Variants in CNTNAP2 observed in about 807,000 individuals in gnomAD.
The protein encoded by CNTNAP2 is contactin-associated protein-like 2.
A neutral mutation model predicts 155.2 loss-of-function variants in CNTNAP2; 98 were observed. The ratio of observed to expected loss-of-function variants is 0.63; its 90% CI spans 0.54 to 0.75. CNTNAP2 has a LOEUF of 0.75. CNTNAP2 is among the 30% of genes least tolerant of loss of function. The pLI is 0.00. For missense variants in CNTNAP2, 1,727 were observed against 1,688.1 expected, an observed-to-expected ratio of 1.02 and a Z score of -0.40; for synonymous variants, 651 against 631.2, an observed-to-expected ratio of 1.03 and a Z score of -0.47.
At chr7:146,392,823 G>C (rs1340191261) in intron 1 of CNTNAP2, among the ~76,000 whole-genome samples, 1 of 127,346 alleles carries the variant, frequency 7.9e-6, no homozygotes, top group Non-Finnish European at 1.6e-5. Flanking sequence ...TTCATATAAA[G>C]ACTCTTAGAA....
In CNTNAP2 at chr7:146,317,373, A is replaced by G. The variant is rs143562742; in HGVS notation, c.97+200400A>G. 6.6e-3 allele frequency among the ~76,000 whole-genome samples: 1,000 copies of G among 152,324 alleles called. 9 individuals are homozygous for G. The highest frequency in any genetic ancestry group is 0.012 in the South Asian group (58 of 4,832). The stretch of plus-strand genomic sequence containing the variant: ...CTGAGAATCTTTGTATAATTTGACA[A>G]TAATGTCAAGTGGAAAGAGAAATAA... On this transcript the variant is annotated intron_variant, in intron 1 of 23. Coordinates refer to ENST00000361727, the MANE Select transcript of CNTNAP2 (RefSeq NM_014141.6).
At chr7:146,807,864 A>T (rs1220715315) in intron 2 of CNTNAP2, among the ~76,000 whole-genome samples, 1 of 151,950 alleles carries the variant, frequency 6.6e-6, no homozygotes, top group Non-Finnish European at 1.5e-5. Flanking sequence ...CTGTCTGCCC[A>T]CTCCTTCCTT....
At chr7:146,308,642 T>A (rs937973654) in intron 1 of CNTNAP2, among the ~76,000 whole-genome samples, 15 of 152,154 alleles carry the variant, frequency 9.9e-5, no homozygotes, top group South Asian at 8.3e-4. Context: ...GGAATACTAT[T>A]CAGCTGTAAA....
chr7:146,423,181 T>C (rs1261293461), intron 1 of CNTNAP2, among the ~76,000 whole-genome samples: 1 of 152,156 alleles, frequency 6.6e-6, no homozygotes, highest in Non-Finnish European at 1.5e-5. Context: ...TTCATTTCTT[T>C]ATTTGTTCTC....
At chr7:147,273,141 C>A (rs1013573253) in intron 8 of CNTNAP2, among the ~76,000 whole-genome samples, 1 of 152,096 alleles carries the variant, frequency 6.6e-6, no homozygotes, top group African/African-American at 2.4e-5. Context: ...CCTGCAGAAG[C>A]CCCCAGCACT....
chr7:147,454,400 T>C (rs564535479), intron 10 of CNTNAP2, among the ~76,000 whole-genome samples: 3 of 152,326 alleles, frequency 2.0e-5, no homozygotes, highest in South Asian at 2.1e-4. Context: ...TGCTCTTTTC[T>C]ACTGTATTAT....
intron 1 of CNTNAP2, among the ~76,000 whole-genome samples, chr7:146,624,437 TTTTTA>T (rs1437165938): frequency 2.0e-5 from 3 of 151,334 alleles, no homozygotes; most frequent in Non-Finnish European, 3.0e-5. Context: ...GTGTCTGTTA[TTTTTA>T]TTTTAATATG....
intron 10 of CNTNAP2, among the ~76,000 whole-genome samples, chr7:147,402,311 C>T (rs1796930680): frequency 6.6e-6 from 1 of 152,170 alleles, no homozygotes; most frequent in South Asian, 2.1e-4. Context: ...CCAAGGTTCC[C>T]TCTGAGCTCC....
intron 13 of CNTNAP2, among the ~76,000 whole-genome samples, chr7:147,681,870 A>C (rs1185264010): frequency 6.6e-6 from 1 of 151,972 alleles, no homozygotes; most frequent in African/African-American, 2.4e-5. Flanking sequence ...ACTTAGTGCT[A>C]TCTGTGGTTT....
chr7:148,013,880 C>T (rs1802126228), intron 15 of CNTNAP2, among the ~76,000 whole-genome samples: 1 of 151,932 alleles, frequency 6.6e-6, no homozygotes. Context: ...ATTTAAATTG[C>T]TCTGAAATGG....
chr7:147,012,952 AGTT>A (rs1427482751), intron 3 of CNTNAP2, among the ~76,000 whole-genome samples: 9 of 152,214 alleles, frequency 5.9e-5, no homozygotes, highest in Admixed American at 1.3e-4. Flanking sequence ...TGAATCTCCA[AGTT>A]GACAACTCTT....
At chr7:147,110,746 G>A (rs983321616) in intron 5 of CNTNAP2, among the ~76,000 whole-genome samples, 4 of 152,142 alleles carry the variant, frequency 2.6e-5, no homozygotes, top group African/African-American at 7.2e-5. Context: ...TGGTGTATAT[G>A]TACCACATTT....
chr7:147,903,692 C>T lies in CNTNAP2; in HGVS notation c.2226C>T (p.Tyr742=), dbSNP rs1317784066. 1.9e-6 allele frequency: 3 copies of T among 1,613,956 alleles called. No individual in the cohort carries two copies. Among genetic ancestry groups the T allele is most frequent in the Non-Finnish European group, 2.5e-6 (3 of 1,179,956 alleles). The change falls in exon 14 of 24, where the codon TAC becomes TAT. Residue 742 remains tyrosine, a synonymous_variant. Transcript: ENST00000361727. ...GCAACTGCACAGATCCCAAGTACTA[C>T]TGTAACTGCGACGCGGACTACAAGC... is the stretch of plus-strand genomic sequence containing the variant. ...IERNCTDPKY[Y]CNCDADYKQW... is the part of the protein sequence containing the mutation.
chr7:147,956,490 A>T (rs1801018438), intron 14 of CNTNAP2, among the ~76,000 whole-genome samples: 1 of 152,226 alleles, frequency 6.6e-6, no homozygotes, highest in African/African-American at 2.4e-5. Flanking sequence ...TCTTGCAATT[A>T]GTCTGAGAAG....
intron 1 of CNTNAP2, among the ~76,000 whole-genome samples, chr7:146,534,119 G>T (rs796194894): frequency 6.6e-6 from 1 of 152,020 alleles, no homozygotes; most frequent in East Asian, 1.9e-4. Flanking sequence ...CTGACTTGCT[G>T]CATTTGAAAG....
chr7:148,198,050 G>A (rs767039757), intron 18 of CNTNAP2, among the ~76,000 whole-genome samples: 3 of 152,192 alleles, frequency 2.0e-5, no homozygotes, highest in South Asian at 2.1e-4. Context: ...TCAACATGGC[G>A]GAACTGGAAA....
chr7:146,332,065 G>T (rs1392538597), intron 1 of CNTNAP2, among the ~76,000 whole-genome samples: 1 of 151,882 alleles, frequency 6.6e-6, no homozygotes, highest in Admixed American at 6.6e-5. Context: ...ATGTGTGCAT[G>T]TCTATGTAGA....
At chr7:146,272,655 A>AGT (rs71941123) in intron 1 of CNTNAP2, among the ~76,000 whole-genome samples, 13,374 of 151,504 alleles carry the variant, frequency 0.088, 1,415 homozygotes, top group African/African-American at 0.25. Flanking sequence ...TTTGTATATC[A>AGT]GTGTGTGTGT....
At chr7:147,149,385 C>T (rs1801779547) in intron 8 of CNTNAP2, among the ~76,000 whole-genome samples, 1 of 152,164 alleles carries the variant, frequency 6.6e-6, no homozygotes, top group Non-Finnish European at 1.5e-5. Context: ...TCTAGCTAGA[C>T]AGAAAAGTTC....
Sources: allele counts gnomAD v4.1 joint callset (sites outside exome capture counted in the v4.1 genomes callset), GRCh38; gene constraint gnomAD v4.1.1; transcripts MANE v1.5; gene names NCBI Gene and HGNC (gene_info 2026-07-23, HGNC 2026-07-21).